The following ADGRA3 variants were observed in gnomAD, a reference collection of about 807,000 sequenced individuals.
ADGRA3 encodes G-protein coupled receptor 125.
Under a neutral mutation model 119.8 loss-of-function variants are expected in ADGRA3, and 56 were observed. That is an observed-to-expected ratio of 0.47 (90% CI 0.38 to 0.58). ADGRA3 has a LOEUF of 0.58. Ranked by LOEUF, ADGRA3 falls within the 20% of genes least tolerant of loss-of-function variation. The probability of loss-of-function intolerance (pLI) is 0.00; values close to 1 mark genes in which losing one functional copy is unlikely to be tolerated. For synonymous variants in ADGRA3, 607 were observed against 623.8 expected (o/e 0.97, Z 0.40); for missense variants, 1,516 against 1,649.0 (o/e 0.92, Z 1.40).
intron 16 of ADGRA3, chr4:22,394,856 G>T (rs1714285157): frequency 6.6e-6 from 1 of 152,088 alleles, no homozygotes; most frequent in Non-Finnish European, 1.5e-5. Flanking sequence ...GGAATTTTAG[G>T]GGTATGATGA....
Position 22,510,336 on chromosome 4 carries a change from T to C in ADGRA3, c.257+5192A>G, listed in dbSNP as rs1719407287. ...CATCAAATCCAGTGCTGTTTATTCC[T>C]TGGTCTTTCTAGCTTAATCTCTCAA... On this transcript the variant is annotated intron_variant, in intron 1 of 18. Coordinates refer to ENST00000334304, the MANE Select transcript of ADGRA3 (RefSeq NM_145290.4). 2.6e-5 allele frequency among the ~76,000 whole-genome samples: 4 copies of C among 152,152 alleles called. No homozygotes were observed. In the South Asian group the frequency reaches 8.3e-4, roughly 31 times the overall value.
chr4:22,436,371 AC>A (rs1716392785), intron 9 of ADGRA3, 68 bp downstream of exon 9: 5 of 1,227,074 alleles, frequency 4.1e-6, no homozygotes, highest in Non-Finnish European at 5.8e-6. Context: ...AAAAAAAAAA[AC>A]TTATGTATTT....
intron 14 of ADGRA3, among the ~76,000 whole-genome samples, chr4:22,412,974 A>G (rs762139932): frequency 2.0e-5 from 3 of 152,040 alleles, no homozygotes; most frequent in African/African-American, 7.3e-5. Flanking sequence ...ACCAAACTCA[A>G]TCCCATACAT....
chr4:22,497,059 G>A (rs190275801), intron 1 of ADGRA3, among the ~76,000 whole-genome samples: 1 of 152,192 alleles, frequency 6.6e-6, no homozygotes, highest in Non-Finnish European at 1.5e-5. Context: ...AACTTTTGGG[G>A]CGAATCATAA....
chr4:22,473,858 A>G lies in ADGRA3; in HGVS notation c.258-15T>C, dbSNP rs535113905. ...TACTCAGAATCCTAAAAAATACCAA[A>G]AAAATAATAAGTTGCCTAATATACA... is the stretch of plus-strand genomic sequence containing the variant. On this transcript the variant is annotated splice_polypyrimidine_tract_variant and intron_variant, in intron 1 of 18. Transcript: ENST00000334304. The G allele has an allele frequency of 3.9e-6, 6 of 1,544,932 alleles. No homozygotes were observed. The highest frequency in any genetic ancestry group is 3.5e-5 in the Admixed American group (2 of 57,946).
intron 14 of ADGRA3, among the ~76,000 whole-genome samples, chr4:22,406,355 G>C (rs956523510): frequency 1.3e-5 from 2 of 152,144 alleles, no homozygotes; most frequent in Non-Finnish European, 2.9e-5. Flanking sequence ...GAAATTGCTG[G>C]ATCATACGGT....
chr4:22,389,486 G>T (rs73245192), intron 17 of ADGRA3, among the ~76,000 whole-genome samples: 1,636 of 151,298 alleles, frequency 0.011, 14 homozygotes, highest in Middle Eastern at 0.024. Context: ...TAGGATTTCA[G>T]CTTACTTACT....
At chr4:22,422,482 G>C (rs147511182) in intron 11 of ADGRA3, among the ~76,000 whole-genome samples, 608 of 152,210 alleles carry the variant, frequency 4.0e-3, no homozygotes, top group African/African-American at 0.013. Flanking sequence ...TGTTAATAAT[G>C]TGTATTCTAA....
At chr4:22,457,937 A>G (rs1717299444) in intron 3 of ADGRA3, among the ~76,000 whole-genome samples, 1 of 152,232 alleles carries the variant, frequency 6.6e-6, no homozygotes, top group Non-Finnish European at 1.5e-5. Flanking sequence ...TAGAGATAAA[A>G]TCAGCATTAA....
chr4:22,501,471 T>C (rs1404789672), intron 1 of ADGRA3, among the ~76,000 whole-genome samples: 1 of 152,134 alleles, frequency 6.6e-6, no homozygotes, highest in African/African-American at 2.4e-5. Flanking sequence ...ATCAGTTTCA[T>C]AGACCAGCAA....
At chr4:22,448,655 C>A (rs1716913616) in intron 4 of ADGRA3, among the ~76,000 whole-genome samples, 1 of 152,270 alleles carries the variant, frequency 6.6e-6, no homozygotes, top group Non-Finnish European at 1.5e-5. Context: ...ACACCTGTAG[C>A]AACATATTCC....
intron 17 of ADGRA3, among the ~76,000 whole-genome samples, chr4:22,392,028 C>T (rs1714153967): frequency 6.6e-6 from 1 of 152,168 alleles, no homozygotes; most frequent in African/African-American, 2.4e-5. Context: ...AATCCCTGGC[C>T]CAGGGCCAGT....
chr4:22,436,667 A>T, intron 8 of ADGRA3, 26 bp from the exon 9 acceptor site: 1 of 1,588,904 alleles, frequency 6.3e-7, no homozygotes, highest in Non-Finnish European at 8.6e-7. Flanking sequence ...AAATAGTACA[A>T]GAAAATCTAA....
At chr4:22,502,514 A>G (rs1287613261) in intron 1 of ADGRA3, among the ~76,000 whole-genome samples, 2 of 152,214 alleles carry the variant, frequency 1.3e-5, no homozygotes, top group Non-Finnish European at 2.9e-5. Flanking sequence ...GATTCAAGCT[A>G]GTTTTCAAGA....
intron 10 of ADGRA3, among the ~76,000 whole-genome samples, chr4:22,425,310 A>G (rs763417700): frequency 1.6e-4 from 25 of 152,130 alleles, no homozygotes; most frequent in Non-Finnish European, 3.5e-4. Context: ...GCACTCTTCC[A>G]CTGTTTGTTT....
chr4:22,482,660 G>T (rs914291656), intron 1 of ADGRA3, among the ~76,000 whole-genome samples: 1 of 152,104 alleles, frequency 6.6e-6, no homozygotes, highest in East Asian at 1.9e-4. Flanking sequence ...GGAAGACCCT[G>T]TCTCAAACAA....
chr4:22,409,465 G>A (rs1245654804), intron 14 of ADGRA3, among the ~76,000 whole-genome samples: 2 of 152,192 alleles, frequency 1.3e-5, no homozygotes, highest in African/African-American at 2.4e-5. Flanking sequence ...AAATGAGACT[G>A]TGAATTCAAA....
intron 7 of ADGRA3, among the ~76,000 whole-genome samples, chr4:22,438,631 T>A (rs1206782392): frequency 6.6e-6 from 1 of 152,082 alleles, no homozygotes; most frequent in Non-Finnish European, 1.5e-5. Flanking sequence ...AAATACACAA[T>A]CAGGGCAATA....
intron 10 of ADGRA3, among the ~76,000 whole-genome samples, chr4:22,428,305 G>A (rs973312279): frequency 1.1e-4 from 16 of 149,854 alleles, no homozygotes; most frequent in Non-Finnish European, 2.4e-4. Flanking sequence ...ATGGGACCAA[G>A]AACTCTACAA....
Sources: allele counts gnomAD v4.1 joint callset (sites outside exome capture counted in the v4.1 genomes callset), GRCh38; gene constraint gnomAD v4.1.1; transcripts MANE v1.5; gene names NCBI Gene and HGNC (gene_info 2026-07-23, HGNC 2026-07-21).